Variants in DPRX observed in about 807,000 individuals in gnomAD.
DPRX encodes the protein divergent-paired related homeobox, also known as divergent paired-related homeobox.
A neutral mutation model predicts 8.4 loss-of-function variants in DPRX; 11 were observed. The observed-to-expected ratio is 1.31, with a 90% confidence interval of 0.82 to 2.17. The LOEUF (loss-of-function observed/expected upper bound fraction) is 2.17. DPRX is among the 30% of genes most tolerant of loss of function. The probability of loss-of-function intolerance (pLI) is 0.00; values close to 1 mark genes in which losing one functional copy is unlikely to be tolerated. For missense variants in DPRX, 211 were observed against 236.7 expected (o/e 0.89, Z 0.71); for synonymous variants, 72 against 87.0 (o/e 0.83, Z 0.96).
chr19:53,620,436 C>T, the DPRX span, among the ~76,000 whole-genome samples: 1 of 149,958 alleles, frequency 6.7e-6, no homozygotes, highest in African/African-American at 2.5e-5. Context: ...GATCTTGGCT[C>T]ACTGCAACCT....
the DPRX span, among the ~76,000 whole-genome samples, chr19:53,618,980 C>G: frequency 6.6e-6 from 1 of 152,048 alleles, no homozygotes; most frequent in Non-Finnish European, 1.5e-5. Context: ...CCGCGCCCAG[C>G]CAGTAGTCTT....
At chr19:53,631,536 A>G (rs2091092727), upstream of DPRX, among the ~76,000 whole-genome samples, 1 of 152,008 alleles carries the variant, frequency 6.6e-6, no homozygotes, top group African/African-American at 2.4e-5. Context: ...ACCGAGTCAG[A>G]AACGTTGAGG....
chr19:53,626,354 C>T, the DPRX span, among the ~76,000 whole-genome samples: 2 of 152,134 alleles, frequency 1.3e-5, no homozygotes, highest in Non-Finnish European at 2.9e-5. Flanking sequence ...GCTGGGATTA[C>T]AGGCATAAGC....
At chr19:53,621,417 G>A in the DPRX span, among the ~76,000 whole-genome samples, 1 of 152,114 alleles carries the variant, frequency 6.6e-6, no homozygotes. Flanking sequence ...ACAGGCATAA[G>A]CCACTGCACC....
the DPRX span, among the ~76,000 whole-genome samples, chr19:53,622,391 T>G: frequency 6.6e-6 from 1 of 151,918 alleles, no homozygotes; most frequent in Admixed American, 6.6e-5. Context: ...AATCCCAGCA[T>G]TTTGGGAGAC....
chr19:53,611,145 A>G, the DPRX span, among the ~76,000 whole-genome samples: 77 of 152,224 alleles, frequency 5.1e-4, no homozygotes, highest in African/African-American at 1.8e-3. Context: ...CAGGTGATCC[A>G]ACTGCCTCGG....
At chr19:53,628,277 C>T (rs1245621740), upstream of DPRX, among the ~76,000 whole-genome samples, 1 of 151,906 alleles carries the variant, frequency 6.6e-6, no homozygotes, top group East Asian at 1.9e-4. Flanking sequence ...GTCTCTGAAA[C>T]CTAAAATAAA....
chr19:53,632,088 C>A, exon 1 of DPRX: 2 of 1,613,764 alleles, frequency 1.2e-6, no homozygotes, highest in Non-Finnish European at 1.7e-6. Context: ...TGAACCCAGG[C>A]GCACATCTGG....
At chr19:53,636,844 C>A (rs1279473775) in exon 3 of DPRX, 1 of 1,614,148 alleles carries the variant, frequency 6.2e-7, no homozygotes, top group Middle Eastern at 1.6e-4. Context: ...CAAATGACTT[C>A]ATTGGCCACA....
upstream of DPRX, chr19:53,631,940 A>AG (rs1600570208): frequency 3.5e-6 from 3 of 849,952 alleles, no homozygotes; most frequent in East Asian, 5.0e-5. Flanking sequence ...GGAGAAATCC[A>AG]GGGGGCTCTG....
chr19:53,605,214 TCAA>T, the DPRX span, among the ~76,000 whole-genome samples: 3 of 151,930 alleles, frequency 2.0e-5, no homozygotes, highest in African/African-American at 7.3e-5. Context: ...AGATCCTGTC[TCAA>T]CAACAACAAA....
the DPRX span, chr19:53,601,386 G>A: frequency 4.2e-5 from 19 of 456,274 alleles, no homozygotes; most frequent in Middle Eastern, 1.7e-3. Flanking sequence ...CAGGCAAAGC[G>A]TTAACCGTGA....
the DPRX span, among the ~76,000 whole-genome samples, chr19:53,607,987 A>G: frequency 6.6e-6 from 1 of 151,874 alleles, no homozygotes; most frequent in Non-Finnish European, 1.5e-5. Flanking sequence ...AGCCTGGCCA[A>G]CGTGGTAAAA....
chr19:53,610,313 C>G, the DPRX span, among the ~76,000 whole-genome samples: 2 of 121,144 alleles, frequency 1.7e-5, no homozygotes, highest in Non-Finnish European at 3.4e-5. Context: ...GAGCAAGACT[C>G]TGTCTCGAAA....
the DPRX span, among the ~76,000 whole-genome samples, chr19:53,620,939 C>T: frequency 1.3e-5 from 2 of 151,988 alleles, no homozygotes; most frequent in South Asian, 4.2e-4. Context: ...GAAAGGACCC[C>T]AGAGCAAAAT....
the DPRX span, among the ~76,000 whole-genome samples, chr19:53,612,143 G>T: frequency 2.6e-3 from 390 of 151,150 alleles, 4 homozygotes; most frequent in African/African-American, 8.9e-3. Context: ...TAACACATTG[G>T]GGGGCCAAGG....
the DPRX span, among the ~76,000 whole-genome samples, chr19:53,615,766 T>C: frequency 3.3e-5 from 5 of 152,196 alleles, no homozygotes; most frequent in South Asian, 1.0e-3. Flanking sequence ...AATGAAAAGT[T>C]CGATTTTTCC....
the DPRX span, chr19:53,603,500 TTC>T: frequency 2.3e-6 from 1 of 426,440 alleles, no homozygotes; most frequent in Non-Finnish European, 4.8e-6. Context: ...TCTCAACTAC[TTC>T]CTCCTTCGGC....
At chr19:53,636,437 G>GA (rs59570305) in intron 2 of DPRX, among the ~76,000 whole-genome samples, 159 bp from the exon 3 acceptor site, 181 of 116,980 alleles carry the variant, frequency 1.5e-3, no homozygotes, top group African/African-American at 1.6e-3. Context: ...CCAAAAAAAG[G>GA]AAAAAAAAAG....
Sources: gnomAD v4.1 joint callset for allele counts (sites outside exome capture counted in the v4.1 genomes callset) on GRCh38, gnomAD v4.1.1 for gene constraint, MANE v1.5 for transcripts, NCBI Gene and HGNC (gene_info 2026-07-23, HGNC 2026-07-21) for gene names.